The following DPYD variants were observed in gnomAD, a reference collection of about 807,000 sequenced individuals.
The protein encoded by DPYD is dihydropyrimidine dehydrogenase.
A neutral mutation model predicts 116.2 loss-of-function variants in DPYD; 109 were observed. The observed-to-expected ratio is 0.94, with a 90% CI of 0.80 to 1.10. The LOEUF (loss-of-function observed/expected upper bound fraction) is 1.10. Ranked by LOEUF, DPYD falls within the 50% of genes least tolerant of loss-of-function variation. The probability of loss-of-function intolerance (pLI) is 0.00; values close to 1 mark genes in which losing one functional copy is unlikely to be tolerated. For missense variants in DPYD, 1,302 were observed against 1,254.5 expected (o/e 1.04, Z -0.57); for synonymous variants, 440 against 432.0 (o/e 1.02, Z -0.23).
At chr1:97,805,836 C>T (rs1668056432) in intron 3 of DPYD, among the ~76,000 whole-genome samples, 1 of 151,674 alleles carries the variant, frequency 6.6e-6, no homozygotes, top group African/African-American at 2.4e-5. Context: ...CATCTGTTTC[C>T]CCACTGGACA....
intron 13 of DPYD, among the ~76,000 whole-genome samples, chr1:97,469,643 T>C (rs1264243380): frequency 2.6e-5 from 4 of 152,160 alleles, no homozygotes; most frequent in Non-Finnish European, 5.9e-5. Flanking sequence ...AATTAAACTA[T>C]ACTAAAGGTT....
At chr1:97,432,224 G>C (rs1675219220) in intron 14 of DPYD, among the ~76,000 whole-genome samples, 1 of 152,104 alleles carries the variant, frequency 6.6e-6, no homozygotes, top group South Asian at 2.1e-4. Context: ...ATTCCCAGCA[G>C]CAGGACTGCT....
intron 2 of DPYD, among the ~76,000 whole-genome samples, chr1:97,866,933 G>A (rs1427983818): frequency 1.3e-5 from 2 of 151,876 alleles, no homozygotes; most frequent in African/African-American, 2.4e-5. Flanking sequence ...ACAAGCAGCA[G>A]GAGATGAGGA....
chr1:97,435,928 T>G (rs759248373), intron 14 of DPYD, among the ~76,000 whole-genome samples: 1 of 152,014 alleles, frequency 6.6e-6, no homozygotes, highest in Non-Finnish European at 1.5e-5. Flanking sequence ...GTAACAGAGC[T>G]AATGAAACAC....
At chr1:97,136,477 CAT>C (rs1481572211) in intron 20 of DPYD, among the ~76,000 whole-genome samples, 2 of 152,172 alleles carry the variant, frequency 1.3e-5, no homozygotes, top group East Asian at 1.9e-4. Flanking sequence ...CATGTATACA[CAT>C]GTGTGTGTTT....
rs185815139 is a variant in DPYD, at chr1:97,403,277, T to C, written c.1906-20816A>G. On this transcript the variant is annotated intron_variant, in intron 14 of 22. Transcript: ENST00000370192. ...AGTGGAGTTATCTAGACATATCCCA[T>C]TGTAAGTCGAGGAGTGTAGTGAATG... Among the ~76,000 whole-genome samples the C allele has an allele frequency of 3.9e-3, 590 of 152,158 alleles. 5 individuals carry two copies. The highest frequency in any genetic ancestry group is 0.022 in the Admixed American group (341 of 15,260).
intron 19 of DPYD, among the ~76,000 whole-genome samples, chr1:97,229,939 C>T (rs1557956732): frequency 1.3e-5 from 2 of 152,066 alleles, no homozygotes; most frequent in South Asian, 2.1e-4. Flanking sequence ...CCCCTCTTCA[C>T]AATTCTGGTA....
intron 1 of DPYD, among the ~76,000 whole-genome samples, chr1:97,899,911 T>G (rs979627251): frequency 2.0e-5 from 3 of 151,894 alleles, no homozygotes; most frequent in Non-Finnish European, 4.4e-5. Flanking sequence ...TGGGAATCAA[T>G]CAGTTTAACA....
intron 20 of DPYD, among the ~76,000 whole-genome samples, chr1:97,124,011 G>GT (rs1399220508): frequency 1.3e-5 from 2 of 152,036 alleles, no homozygotes; most frequent in Non-Finnish European, 2.9e-5. Context: ...AATCATGATG[G>GT]TTTTTTGCAT....
At chr1:97,620,357 G>C (rs1277433245) in intron 8 of DPYD, among the ~76,000 whole-genome samples, 1 of 151,990 alleles carries the variant, frequency 6.6e-6, no homozygotes, top group Non-Finnish European at 1.5e-5. Context: ...TGGGACTATC[G>C]GCACATGCCA....
At chr1:97,747,417 C>T (rs1261381137) in intron 3 of DPYD, among the ~76,000 whole-genome samples, 3 of 152,094 alleles carry the variant, frequency 2.0e-5, no homozygotes, top group Admixed American at 6.5e-5. Context: ...GGCTTGTTGG[C>T]GACACTCTCC....
At chr1:97,481,697 C>A (rs1212334662) in intron 13 of DPYD, among the ~76,000 whole-genome samples, 2 of 152,070 alleles carry the variant, frequency 1.3e-5, no homozygotes, top group Non-Finnish European at 2.9e-5. Context: ...ATTAATACAA[C>A]TTTTAAATTG....
chr1:97,385,309 AAAAAAAAAAG>A (rs1672268393), intron 14 of DPYD, among the ~76,000 whole-genome samples: 2 of 140,052 alleles, frequency 1.4e-5, no homozygotes, highest in African/African-American at 2.6e-5. Flanking sequence ...AAAAAAAAAA[AAAAAAAAAAG>A]AGAGAGAGAG....
At chr1:97,726,166 A>G (rs552880520) in intron 4 of DPYD, among the ~76,000 whole-genome samples, 1 of 151,714 alleles carries the variant, frequency 6.6e-6, no homozygotes, top group African/African-American at 2.4e-5. Flanking sequence ...TTGCATCTCT[A>G]CTTGACACAA....
At chr1:97,695,909 C>G (rs922144681) in intron 6 of DPYD, among the ~76,000 whole-genome samples, 1 of 151,978 alleles carries the variant, frequency 6.6e-6, no homozygotes, top group Non-Finnish European at 1.5e-5. Flanking sequence ...GTGGGTAGAT[C>G]GCTTGAGGTC....
intron 18 of DPYD, among the ~76,000 whole-genome samples, chr1:97,256,621 A>T (rs1326279349): frequency 6.6e-6 from 1 of 152,078 alleles, no homozygotes; most frequent in African/African-American, 2.4e-5. Context: ...TGGAACTGTG[A>T]GTCCATTAAA....
chr1:97,261,493 CTTTTTTTTTTT>C (rs1210765677), intron 18 of DPYD, among the ~76,000 whole-genome samples: 6 of 122,474 alleles, frequency 4.9e-5, no homozygotes, highest in Admixed American at 2.5e-4. Context: ...GACTATGCAT[CTTTTTTTTTTT>C]TTTTTTTTTT....
chr1:97,650,013 C>A (rs1571127928), intron 8 of DPYD, among the ~76,000 whole-genome samples: 1 of 152,010 alleles, frequency 6.6e-6, no homozygotes, highest in East Asian at 1.9e-4. Context: ...CAAATCTGAT[C>A]ATTTCACTTC....
At chr1:97,492,444 A>G (rs1679026312) in intron 13 of DPYD, among the ~76,000 whole-genome samples, 1 of 152,134 alleles carries the variant, frequency 6.6e-6, no homozygotes, top group African/African-American at 2.4e-5. Flanking sequence ...CTATTCACAT[A>G]ACACAATTTG....
Sources: allele counts gnomAD v4.1 joint callset (sites outside exome capture counted in the v4.1 genomes callset), GRCh38; gene constraint gnomAD v4.1.1; transcripts MANE v1.5; gene names NCBI Gene and HGNC (gene_info 2026-07-23, HGNC 2026-07-21).